MCRS1: variants seen among roughly 807,000 people sequenced by gnomAD.
The protein encoded by MCRS1 is 58 kDa microspherule protein.
MCRS1 carries 22 observed loss-of-function variants against 62.9 expected under a neutral mutation model. The observed-to-expected ratio is 0.35, with a 90% CI of 0.25 to 0.50. The LOEUF (loss-of-function observed/expected upper bound fraction) is 0.50, where lower values mean the gene tolerates loss of function less well. Ranked by LOEUF, MCRS1 falls within the 20% of genes least tolerant of loss-of-function variation. The probability of loss-of-function intolerance (pLI) is 0.98; values close to 1 mark genes in which losing one functional copy is unlikely to be tolerated. For synonymous variants in MCRS1, 244 were observed against 233.5 expected (o/e 1.04, Z -0.41); for missense variants, 456 against 601.1 (o/e 0.76, Z 2.52).
At chr12:49,565,317 G>A (rs560645331) in intron 4 of MCRS1, 2 of 985,410 alleles carry the variant, frequency 2.0e-6, no homozygotes, top group East Asian at 1.1e-4. Flanking sequence ...TGTGATACAG[G>A]ATGCAATGGC....
chr12:49,563,963 G>A (rs1398822173), intron 6 of MCRS1, among the ~76,000 whole-genome samples: 1 of 152,194 alleles, frequency 6.6e-6, no homozygotes, highest in East Asian at 1.9e-4. Flanking sequence ...GGAGAGGATG[G>A]GTGTTAAGCA....
chr12:49,558,897 T>C lies in MCRS1; in HGVS notation c.1248A>G (p.Gly416=). Reference sequence around the variant, plus strand: ...ATTTGGAGCCACAGAGCACCGGCCGTCCATCGATGTAGATGGGCCGTCGAC... The same window carrying C: ...ATTTGGAGCCACAGAGCACCGGCCGCCCATCGATGTAGATGGGCCGTCGAC... ...NEGRRPIYID[G]RPVLCGSKWR... is the part of the protein sequence containing the mutation. The change falls in exon 14 of 15, where the codon GGA becomes GGG. Residue 416 remains glycine, a synonymous_variant. Transcript: ENST00000343810. 1 of 1,613,086 alleles carries C rather than the reference T, an allele frequency of 6.2e-7. No individual in the cohort carries two copies. Among genetic ancestry groups the C allele is most frequent in the Non-Finnish European group, 8.5e-7 (1 of 1,180,002 alleles).
chr12:49,565,754 C>T (rs1592529755), intron 3 of MCRS1, 87 bp from the exon 4 acceptor site: 7 of 1,584,636 alleles, frequency 4.4e-6, no homozygotes, highest in Middle Eastern at 3.4e-4. Context: ...GAGCAGGTGC[C>T]CAGTAGGGTG....
At chr12:49,566,532 T>C in intron 2 of MCRS1, 190 bp downstream of exon 2, 10 of 1,502,402 alleles carry the variant, frequency 6.7e-6, no homozygotes, top group Non-Finnish European at 9.1e-6. Flanking sequence ...AATGCAGCCG[T>C]GCTAAAGAGC....
intron 6 of MCRS1, among the ~76,000 whole-genome samples, chr12:49,564,178 A>T (rs1475677533): frequency 6.6e-6 from 1 of 152,054 alleles, no homozygotes; most frequent in African/African-American, 2.4e-5. Flanking sequence ...CACAACACAC[A>T]CAGTGCACTC....
rs751191528 is a variant in MCRS1, at chr12:49,565,616, T to C, written c.201A>G (p.Ala67=). The change falls in exon 4 of 15, where the codon GCA becomes GCG. Residue 67 remains alanine (A), a synonymous_variant. Transcript: ENST00000343810. The part of the protein sequence containing the change: ...FDDELVESSL[A]KSSTRAKGAS... ...CCCCCTTTGCCCGGGTAGAAGATTT[T>C]GCCAGGCTGCTCTCCACCAGCTCAT... The C allele has an allele frequency of 1.9e-6, 3 of 1,613,900 alleles. No individual in the cohort carries two copies. The South Asian group carries it at 3.3e-5, about 18-fold the overall frequency.
chr12:49,565,387 AG>A, intron 4 of MCRS1, 141 bp downstream of exon 4: 2 of 1,500,616 alleles, frequency 1.3e-6, no homozygotes, highest in Non-Finnish European at 1.8e-6. Flanking sequence ...TGTTCCCAGG[AG>A]GGGGGCATCT....
Position 49,559,495 on chromosome 12 carries a change from C to T in MCRS1, c.1044G>A (p.Val348=). 2 of 1,612,872 alleles carry T rather than the reference C, an allele frequency of 1.2e-6. No individual in the cohort carries two copies. The highest frequency in any genetic ancestry group is 1.1e-5 in the South Asian group (1 of 91,092). Residue 348 remains valine (V), a synonymous_variant, in exon 12 of 15, where the codon GTG becomes GTA. Coordinates refer to ENST00000343810, the MANE Select transcript of MCRS1 (RefSeq NM_006337.5). This position sits in a 1 kb window ranked among gnomAD's most constrained non-coding sequence, Gnocchi z 5.2. ...GGTACCGCACCATGCGGCCCCGCAGCACTGCCAGTGTCTGGTTGTCGAAGT... is the reference window on the plus strand; with the variant it reads ...GGTACCGCACCATGCGGCCCCGCAGTACTGCCAGTGTCTGGTTGTCGAAGT... The part of the protein sequence containing the change: ...SPDFDNQTLA[V]LRGRMVRYLM...
chr12:49,565,634 C>G lies in MCRS1; in HGVS notation c.183G>C (p.Leu61=). The G allele has an allele frequency of 1.2e-6, 2 of 1,614,130 alleles. No individual in the cohort carries two copies. The highest frequency in any genetic ancestry group is 1.7e-6 in the Non-Finnish European group (2 of 1,179,998). The change falls in exon 4 of 15, where the codon CTG becomes CTC. Residue 61 remains leucine (L), a synonymous_variant. Transcript: ENST00000343810. ...AAGATTTTGCCAGGCTGCTCTCCAC[C>G]AGCTCATCATCGAACTTCTTCCTCT... ...FIKRKKFDDE[L]VESSLAKSST...
In MCRS1 at chr12:49,559,083, C is replaced by A; in HGVS notation, c.1175-113G>T. 1 of 1,538,548 alleles carries A rather than the reference C, an allele frequency of 6.5e-7. No individual in the cohort carries two copies. The highest frequency in any genetic ancestry group is 8.9e-7 in the Non-Finnish European group (1 of 1,120,576). ...GGACCAGCTCTGCTTCCTGCAGACA[C>A]CAAGGAATCCCTGCCTCAGGTGGTC... is the stretch of plus-strand genomic sequence containing the variant. On this transcript the variant is annotated intron_variant, in intron 13 of 14. Transcript: ENST00000343810. The surrounding 1 kb of genome is among the most constrained non-coding windows in gnomAD (Gnocchi z 5.2).
At chr12:49,566,272 T>C (rs1172484187) in intron 2 of MCRS1, 57 bp from the exon 3 acceptor site, 24 of 1,582,968 alleles carry the variant, frequency 1.5e-5, no homozygotes, top group Middle Eastern at 3.4e-4. Flanking sequence ...CCTCTGCAAA[T>C]GGGACCCCTC....
chr12:49,563,584 A>G (rs755125552), intron 6 of MCRS1, 38 bp from the exon 7 acceptor site: 29 of 1,503,724 alleles, frequency 1.9e-5, no homozygotes, highest in Non-Finnish European at 2.6e-5. Context: ...GGGTGAAGGA[A>G]AGGTGTCAAG....
chr12:49,558,495 C>G lies in MCRS1; in HGVS notation c.*148G>C. On this transcript the variant is annotated 3_prime_UTR_variant, in exon 15 of 15. Transcript: ENST00000343810. ...TCTGCTGGCTTCACAAAGGCCAGCC[C>G]TATCCTCCCTCAAAGGCTCAAATCA... 1.3e-6 allele frequency: 1 copy of G among 777,376 alleles called. No homozygotes were observed. Among genetic ancestry groups the G allele is most frequent in the Non-Finnish European group, 2.0e-6 (1 of 493,376 alleles). The allele number at this position is 777,376 out of a possible 1,614,324, so 48.2% of individuals were successfully genotyped here.
At chr12:49,563,901 T>A (rs1264927189) in intron 6 of MCRS1, among the ~76,000 whole-genome samples, 1 of 152,184 alleles carries the variant, frequency 6.6e-6, no homozygotes, top group East Asian at 1.9e-4. Flanking sequence ...GCCCAGCCCA[T>A]TTCCTGGTAT....
At chr12:49,565,172 C>T (rs914944158) in intron 4 of MCRS1, 16 of 985,242 alleles carry the variant, frequency 1.6e-5, no homozygotes, top group African/African-American at 1.7e-5. Flanking sequence ...GGGAGGATAC[C>T]GGGAAATCAC....
rs1938562514 is a variant in MCRS1, at chr12:49,558,379, G to A, written c.*264C>T. The A allele has an allele frequency of 1.9e-6, 1 of 514,794 alleles. No individual in the cohort carries two copies. Among genetic ancestry groups the A allele is most frequent in the Non-Finnish European group, 3.4e-6 (1 of 292,926 alleles). 31.9% of individuals were successfully genotyped at this position (514,794 alleles called of 1,614,324 possible). A position where few individuals can be genotyped will look rare whatever the true frequency, so the allele number is the denominator to read the frequency against. ...TGAGGCTAATCAGCTGGAGACACAGGAGTGAAGGTGGCAATGGGGGGTAGG... is the reference window on the plus strand; with the variant it reads ...TGAGGCTAATCAGCTGGAGACACAGAAGTGAAGGTGGCAATGGGGGGTAGG... On this transcript the variant is annotated 3_prime_UTR_variant, in exon 15 of 15. Transcript: ENST00000343810.
At chr12:49,566,997 G>A (rs1939098076) in intron 1 of MCRS1, among the ~76,000 whole-genome samples, 156 bp from the exon 2 acceptor site, 1 of 152,218 alleles carries the variant, frequency 6.6e-6, no homozygotes, top group Admixed American at 6.5e-5. Context: ...AATAGCCTTA[G>A]ACATCAGTCT....
At chr12:49,566,615 G>C in intron 2 of MCRS1, 107 bp downstream of exon 2, 2 of 1,549,250 alleles carry the variant, frequency 1.3e-6, no homozygotes, top group Non-Finnish European at 1.8e-6. Flanking sequence ...CCAGGGGGAG[G>C]TGGCAAGGCC....
In MCRS1 at chr12:49,559,206, GGGGATACCTTGTTTCC is replaced by G. The variant is rs758770192; in HGVS notation, c.1166_1174+7del. 6.2e-7 allele frequency: 1 copy of G among 1,612,826 alleles called. No homozygotes were observed. Among genetic ancestry groups the G allele is most frequent in the Non-Finnish European group, 8.5e-7 (1 of 1,179,106 alleles). On this transcript the variant is annotated splice_donor_variant and splice_donor_5th_base_variant and coding_sequence_variant and intron_variant, in exon 13 of 15. Coordinates refer to ENST00000343810, the MANE Select transcript of MCRS1 (RefSeq NM_006337.5). LOFTEE classifies it high-confidence loss of function. The surrounding 1 kb of genome is among the most constrained non-coding windows in gnomAD (Gnocchi z 5.2). ...CTGCTTCCTGCTGGGGCAGGGGGTG[GGGGATACCTTGTTTCC>G]GGGATATCTTCCAGGCCGGACCCTC...
Sources: allele counts gnomAD v4.1 joint callset (sites outside exome capture counted in the v4.1 genomes callset), GRCh38; gene constraint gnomAD v4.1.1; non-coding constraint Gnocchi (gnomAD v3.1); transcripts MANE v1.5; gene names NCBI Gene and HGNC (gene_info 2026-07-23, HGNC 2026-07-21).